Variants in ATRX observed in about 807,000 individuals in gnomAD.
ATRX encodes the protein ATRX chromatin remodeler, also known as chromatin remodeler ATRX.
A neutral mutation model predicts 172.6 loss-of-function variants in ATRX; 12 were observed. The ratio of observed to expected loss-of-function variants is 0.07; its 90% confidence interval spans 0.04 to 0.11. The LOEUF (loss-of-function observed/expected upper bound fraction) is 0.11, where lower values mean the gene tolerates loss of function less well. ATRX is among the 10% of genes least tolerant of loss of function. The probability of loss-of-function intolerance (pLI) is 1.00; values close to 1 mark genes in which losing one functional copy is unlikely to be tolerated. For missense variants in ATRX, 1,368 were observed against 1,767.4 expected (o/e 0.77, Z 4.05); for synonymous variants, 674 against 594.7 (o/e 1.13, Z -1.94).
chrX:77,771,662 C>G (rs146946480), intron 1 of ATRX, among the ~76,000 whole-genome samples: 8 of 111,040 alleles, frequency 7.2e-5, no homozygotes, highest in Admixed American at 4.9e-4. Context: ...TCTTCCACAT[C>G]TCTTGGTTTA....
intron 1 of ATRX, among the ~76,000 whole-genome samples, chrX:77,778,065 G>A (rs1557203369): frequency 1.9e-5 from 2 of 107,494 alleles, no homozygotes; most frequent in African/African-American, 6.8e-5. Flanking sequence ...AACCCAGGAG[G>A]TGGAGGTTGC....
rs2070306330 is a variant in ATRX, at chrX:77,667,299, G to GTGTGTC, written c.3810-2522_3810-2521insGACACA. On this transcript the variant is annotated intron_variant, in intron 10 of 34. Coordinates refer to ENST00000373344, the MANE Select transcript of ATRX (RefSeq NM_000489.6). ...TGAATTTTGGGACGAATAAATATGTGTGTGTGTGTGTGTGTGTGTGTGTGT... is the reference window on the plus strand; with the variant it reads ...TGAATTTTGGGACGAATAAATATGTGTGTGTCTGTGTGTGTGTGTGTGTGTGTGTGT... Among the ~76,000 whole-genome samples, 4 of 16,478 alleles carry GTGTGTC rather than the reference G, an allele frequency of 2.4e-4. No individual in the cohort carries two copies. The South Asian group carries it at 8.3e-3, about 34-fold the overall frequency. 14.3% of individuals were successfully genotyped at this position (16,478 alleles called of 115,157 possible).
rs1332774265 is a variant in ATRX at position 77,617,996 on chromosome X, C to A, written c.5448+810G>T. ...AACTCCTGGGCTCAAGTGATCCTCC[C>A]ACCTTGGCCTCTTAAAGTGCTGGAA... is the stretch of plus-strand genomic sequence containing the variant. On this transcript the variant is annotated intron_variant, in intron 21 of 34. Coordinates refer to ENST00000373344, the MANE Select transcript of ATRX (RefSeq NM_000489.6). 3.6e-5 allele frequency among the ~76,000 whole-genome samples: 4 copies of A among 111,594 alleles called. 1 individual carries two copies. The highest frequency in any genetic ancestry group is 3.8e-5 in the Non-Finnish European group (2 of 53,101).
At chrX:77,544,299 CAA>C (rs1380671367) in intron 30 of ATRX, among the ~76,000 whole-genome samples, 1 of 111,448 alleles carries the variant, frequency 9.0e-6, no homozygotes, top group Non-Finnish European at 1.9e-5. Context: ...TTCCTTGCAA[CAA>C]GAGAGACAGA....
At chrX:77,777,416 C>CA (rs1271971726) in intron 1 of ATRX, among the ~76,000 whole-genome samples, 35 of 106,374 alleles carry the variant, frequency 3.3e-4, no homozygotes, top group African/African-American at 1.1e-3. Flanking sequence ...AGATCAAAAA[C>CA]AAAAAAAAAG....
rs375234450 is a variant in ATRX at position 77,599,725 on chromosome X, G to C, written c.5786+7C>G. 1 of 1,204,659 alleles carries C rather than the reference G, an allele frequency of 8.3e-7. No homozygotes were observed. The highest frequency in any genetic ancestry group is 1.1e-6 in the Non-Finnish European group (1 of 889,833). On this transcript the variant is annotated splice_region_variant and intron_variant, in intron 24 of 34. Transcript: ENST00000373344. Reference sequence around the variant, plus strand: ...TACAGGATGGCACGAAAAAGTATTCGATTTACTTTGTATAATCATCGGAGC... The same window carrying C: ...TACAGGATGGCACGAAAAAGTATTCCATTTACTTTGTATAATCATCGGAGC...
chrX:77,717,691 TATC>T (rs1557166178), intron 1 of ATRX, among the ~76,000 whole-genome samples: 2 of 109,839 alleles, frequency 1.8e-5, no homozygotes, highest in Non-Finnish European at 1.9e-5. Context: ...AGGATTAAAA[TATC>T]ATTTAAGGAA....
intron 30 of ATRX, among the ~76,000 whole-genome samples, chrX:77,527,560 A>G (rs1557044284): frequency 8.9e-6 from 1 of 112,285 alleles, no homozygotes; most frequent in Non-Finnish European, 1.9e-5. Flanking sequence ...GAGTCTCAGC[A>G]AAACAGCAGC....
intron 12 of ATRX, among the ~76,000 whole-genome samples, chrX:77,662,100 C>T (rs1380718619): frequency 1.8e-5 from 2 of 111,265 alleles, no homozygotes; most frequent in African/African-American, 6.5e-5. Context: ...TAACTCCTAC[C>T]CCTCAAGAAG....
intron 20 of ATRX, 89 bp downstream of exon 20, chrX:77,620,306 T>C (rs1193865739): frequency 9.9e-7 from 1 of 1,010,636 alleles, no homozygotes; most frequent in Non-Finnish European, 1.4e-6. Context: ...TATACTAGAA[T>C]AAGTAGAAGA....
At chrX:77,522,560 AAAGCTTT>A (rs1467243845) in intron 31 of ATRX, 172 bp from the exon 32 acceptor site, 1 of 555,367 alleles carries the variant, frequency 1.8e-6, no homozygotes, top group East Asian at 3.8e-5. Flanking sequence ...TATTACAAGG[AAAGCTTT>A]AACCCCTAAA....
chrX:77,550,945 A>G (rs1256050557), intron 30 of ATRX, among the ~76,000 whole-genome samples: 1 of 111,537 alleles, frequency 9.0e-6, no homozygotes, highest in Non-Finnish European at 1.9e-5. Flanking sequence ...ACTACAAACC[A>G]CTGCTCAATG....
At position 77,697,675 on chromosome X, in the gene ATRX, C is replaced by T. The variant is rs374828845; in HGVS notation, c.190-40G>A. The T allele has an allele frequency of 7.7e-5, 87 of 1,131,050 alleles. No homozygotes were observed. In the African/African-American group the frequency reaches 1.4e-3, roughly 19 times the overall value. 93.2% of individuals were successfully genotyped at this position (1,131,050 alleles called of 1,213,427 possible). ...TAAATATAAAAGTGAATAAAATTCTCGAAACGGCATCCCTACAATTAGCTA... is the reference window on the plus strand; with the variant it reads ...TAAATATAAAAGTGAATAAAATTCTTGAAACGGCATCCCTACAATTAGCTA... On this transcript the variant is annotated intron_variant, in intron 3 of 34. Coordinates refer to ENST00000373344, the MANE Select transcript of ATRX (RefSeq NM_000489.6).
chrX:77,774,430 CACTTT>C (rs782108063), intron 1 of ATRX, among the ~76,000 whole-genome samples: 1,153 of 111,646 alleles, frequency 0.01, 19 homozygotes, highest in African/African-American at 0.036. Flanking sequence ...GTAATCCCAG[CACTTT>C]GGGAGGCCGA....
rs1402319857 is a variant in ATRX at position 77,696,693 on chromosome X, A to G, written c.254T>C (p.Ile85Thr). ...ATCTGATTCTACATACTTTGTTACA[A>G]TTGAAGGTTTCCTATGAAAGAATTA... is the stretch of plus-strand genomic sequence containing the variant. ...GSSRSKRKPS[I>T]VTKYVESDDE... The change falls in exon 5 of 35, where the codon ATT becomes ACT. Residue 85 changes from isoleucine to threonine, a missense_variant. By Grantham distance (89) the Ile-to-Thr change is moderately conservative (BLOSUM62 -1). This residue lies in a region of ATRX where 84 missense variants were observed against 82.8 expected (regional missense o/e 1.01). Coordinates refer to ENST00000373344, the MANE Select transcript of ATRX (RefSeq NM_000489.6). 4.2e-6 allele frequency: 5 copies of G among 1,196,507 alleles called. No individual in the cohort carries two copies. Among genetic ancestry groups the G allele is most frequent in the Non-Finnish European group, 5.7e-6 (5 of 883,774 alleles).
intron 16 of ATRX, among the ~76,000 whole-genome samples, chrX:77,635,380 A>G (rs919328119): frequency 2.7e-5 from 3 of 111,836 alleles, no homozygotes; most frequent in Admixed American, 9.5e-5. Flanking sequence ...TATTGAGTCA[A>G]TCAGGAAAAA....
At chrX:77,772,069 C>T (rs1171278056) in intron 1 of ATRX, among the ~76,000 whole-genome samples, 2 of 110,270 alleles carry the variant, frequency 1.8e-5, no homozygotes, top group South Asian at 3.8e-4. Flanking sequence ...CCGAGGCGGG[C>T]GGATCACCTG....
At chrX:77,778,529 T>C (rs984845584) in intron 1 of ATRX, among the ~76,000 whole-genome samples, 3 of 110,110 alleles carry the variant, frequency 2.7e-5, no homozygotes, top group Non-Finnish European at 5.7e-5. Context: ...AAGACCATCC[T>C]GGCCAACACG....
intron 15 of ATRX, among the ~76,000 whole-genome samples, chrX:77,650,215 C>T (rs2069144461): frequency 9.0e-6 from 1 of 111,471 alleles, no homozygotes; most frequent in Non-Finnish European, 1.9e-5. Flanking sequence ...AGGAGCTGTA[C>T]CACAAAAAAA....
Sources: allele counts gnomAD v4.1 joint callset (sites outside exome capture counted in the v4.1 genomes callset), GRCh38; gene constraint gnomAD v4.1.1; regional missense constraint gnomAD v4.1.1; transcripts MANE v1.5; gene names NCBI Gene and HGNC (gene_info 2026-07-23, HGNC 2026-07-21).